CDKAL1: variants seen among roughly 807,000 people sequenced by gnomAD.
The protein encoded by CDKAL1 is threonylcarbamoyladenosine tRNA methylthiotransferase.
A neutral mutation model predicts 68.2 loss-of-function variants in CDKAL1; 32 were observed. That is an observed-to-expected ratio of 0.47 (90% CI 0.35 to 0.63). The LOEUF is 0.63. CDKAL1 is among the 30% of genes least tolerant of loss of function. The pLI is 0.00. For synonymous variants in CDKAL1, 234 were observed against 244.3 expected, an observed-to-expected ratio of 0.96 and a Z score of 0.39; for missense variants, 606 against 696.7, an observed-to-expected ratio of 0.87 and a Z score of 1.47.
At chr6:20,944,810 G>A (rs1195522953) in intron 9 of CDKAL1, among the ~76,000 whole-genome samples, 1 of 152,108 alleles carries the variant, frequency 6.6e-6, no homozygotes, top group African/African-American at 2.4e-5. Flanking sequence ...TATTATAATG[G>A]TATTAAAATT....
intron 15 of CDKAL1, among the ~76,000 whole-genome samples, chr6:21,205,830 C>CTTTTTTTTTTTT (rs34849597): frequency 6.0e-5 from 4 of 66,610 alleles, no homozygotes; most frequent in African/African-American, 2.6e-4. Context: ...CGCGCCCAGC[C>CTTTTTTTTTTTT]TTTTTTTTTT....
chr6:20,858,571 G>A (rs918086648), intron 9 of CDKAL1, among the ~76,000 whole-genome samples: 2 of 152,106 alleles, frequency 1.3e-5, no homozygotes, highest in African/African-American at 2.4e-5. Flanking sequence ...AGTTTTGGAA[G>A]ATAACTTTAT....
intron 8 of CDKAL1, among the ~76,000 whole-genome samples, chr6:20,829,601 T>A (rs1463984097): frequency 6.6e-6 from 1 of 152,184 alleles, no homozygotes; most frequent in Non-Finnish European, 1.5e-5. Flanking sequence ...CAAAATCTTG[T>A]GTGCAGGAAT....
At position 21,198,004 on chromosome 6, in the gene CDKAL1, T is replaced by A. The variant is rs758348223; in HGVS notation, c.1300-17T>A. 1 of 1,528,916 alleles carries A rather than the reference T, an allele frequency of 6.5e-7. No individual in the cohort carries two copies. The highest frequency in any genetic ancestry group is 1.2e-5 in the South Asian group (1 of 83,990). The allele number at this position is 1,528,916 out of a possible 1,614,324, so 94.7% of individuals were successfully genotyped here. On this transcript the variant is annotated splice_polypyrimidine_tract_variant and intron_variant, in intron 13 of 15. Transcript: ENST00000274695. ...TACCCTTATCTTTCCTTTCTTTCCC[T>A]CCCCTTCTCTCCACAGATTGGTGAA...
chr6:21,009,576 G>A (rs1340801903), intron 11 of CDKAL1, among the ~76,000 whole-genome samples: 3 of 152,138 alleles, frequency 2.0e-5, no homozygotes, highest in African/African-American at 7.2e-5. Flanking sequence ...GATAAACTAT[G>A]CCCAATAGCC....
chr6:20,843,590 A>G (rs553541686), intron 8 of CDKAL1, among the ~76,000 whole-genome samples: 5 of 152,310 alleles, frequency 3.3e-5, no homozygotes, highest in South Asian at 2.1e-4. Flanking sequence ...GGTAATTTAC[A>G]TAATATTTTA....
intron 13 of CDKAL1, among the ~76,000 whole-genome samples, chr6:21,173,562 T>G: frequency 6.6e-6 from 1 of 152,238 alleles, no homozygotes; most frequent in Non-Finnish European, 1.5e-5. Context: ...ACATTTTCTA[T>G]TTTGTTTAGG....
Position 20,955,416 on chromosome 6 carries a change from C to A in CDKAL1, c.743-3C>A. The A allele has an allele frequency of 6.2e-7, 1 of 1,613,862 alleles. No individual in the cohort carries two copies. The highest frequency in any genetic ancestry group is 8.5e-7 in the Non-Finnish European group (1 of 1,179,876). ...TTTGTTAATTATCTCTTTTGATTCA[C>A]AGAGGGTGTTTGTGAGATATGGTTG... On this transcript the variant is annotated splice_region_variant and splice_polypyrimidine_tract_variant and intron_variant, in intron 9 of 15. Transcript: ENST00000274695.
At chr6:20,601,515 T>C (rs1256828281) in intron 4 of CDKAL1, among the ~76,000 whole-genome samples, 1 of 152,140 alleles carries the variant, frequency 6.6e-6, no homozygotes, top group East Asian at 1.9e-4. Flanking sequence ...AAACTGAGAA[T>C]TGACTTACAT....
At chr6:20,745,189 GA>G (rs1391560549) in intron 6 of CDKAL1, among the ~76,000 whole-genome samples, 1 of 152,162 alleles carries the variant, frequency 6.6e-6, no homozygotes, top group East Asian at 1.9e-4. Flanking sequence ...CTCTAATCTC[GA>G]AAAGTGAAAC....
chr6:20,739,427 A>T, intron 5 of CDKAL1, 92 bp from the exon 6 acceptor site: 1 of 695,850 alleles, frequency 1.4e-6, no homozygotes, highest in Non-Finnish European at 2.4e-6. Context: ...TAGGCCTGTT[A>T]TTATTTGGAG....
Position 20,923,351 on chromosome 6 carries a change from C to G in CDKAL1, c.743-32068C>G, listed in dbSNP as rs7771782. ...CGTGCTTCAAGCAATTCTCTCAGCA[C>G]CGTTTTTTCCAACAGCTTGTGCTAA... On this transcript the variant is annotated intron_variant, in intron 9 of 15. Coordinates refer to ENST00000274695, the MANE Select transcript of CDKAL1 (RefSeq NM_017774.3). 2.7e-4 allele frequency among the ~76,000 whole-genome samples: 41 copies of G among 152,298 alleles called. 1 individual carries two copies. Among genetic ancestry groups the G allele is most frequent in the African/African-American group, 8.7e-4 (36 of 41,570 alleles).
At chr6:20,587,438 A>G (rs1194555110) in intron 4 of CDKAL1, among the ~76,000 whole-genome samples, 1 of 152,096 alleles carries the variant, frequency 6.6e-6, no homozygotes, top group East Asian at 1.9e-4. Context: ...ACTGCTACAA[A>G]ACAGATGCTG....
chr6:20,657,248 T>A (rs1769068246), intron 5 of CDKAL1, among the ~76,000 whole-genome samples: 7 of 152,216 alleles, frequency 4.6e-5, no homozygotes. Context: ...CTCTCTTGCA[T>A]GCGTTTTGGT....
At chr6:20,969,404 T>C (rs1765481750) in intron 10 of CDKAL1, among the ~76,000 whole-genome samples, 1 of 152,194 alleles carries the variant, frequency 6.6e-6, no homozygotes, top group Non-Finnish European at 1.5e-5. Flanking sequence ...ATCATCCTCA[T>C]CATCTTCATA....
intron 6 of CDKAL1, chr6:20,756,899 CCTT>C (rs1561750551): frequency 1.1e-4 from 11 of 103,638 alleles, no homozygotes; most frequent in African/African-American, 3.9e-4. Context: ...TTCCTTCCTT[CCTT>C]CCTTCCTTCC....
chr6:21,041,657 A>T (rs981546302), intron 11 of CDKAL1, among the ~76,000 whole-genome samples: 1 of 151,520 alleles, frequency 6.6e-6, no homozygotes, highest in Non-Finnish European at 1.5e-5. Context: ...TTCTTACACA[A>T]CATATAATAC....
At chr6:20,891,438 T>C (rs1761389103) in intron 9 of CDKAL1, among the ~76,000 whole-genome samples, 1 of 152,130 alleles carries the variant, frequency 6.6e-6, no homozygotes, top group Non-Finnish European at 1.5e-5. Context: ...GAGGTGAAAG[T>C]ACCCAACAGA....
intron 13 of CDKAL1, among the ~76,000 whole-genome samples, chr6:21,174,380 G>A (rs9465981): frequency 0.062 from 9,433 of 152,078 alleles, 347 homozygotes; most frequent in Non-Finnish European, 0.075. Flanking sequence ...ATACATTTTA[G>A]TACAAAGTAG....
Sources: gnomAD v4.1 joint callset for allele counts (sites outside exome capture counted in the v4.1 genomes callset) on GRCh38, gnomAD v4.1.1 for gene constraint, MANE v1.5 for transcripts, NCBI Gene and HGNC (gene_info 2026-07-23, HGNC 2026-07-21) for gene names.